EFNA5: variants seen among roughly 807,000 people sequenced by gnomAD.
The protein encoded by EFNA5 is ephrin A5.
EFNA5 carries 5 observed loss-of-function variants against 22.9 expected under a neutral mutation model. That is an observed-to-expected ratio of 0.22 (90% CI 0.11 to 0.46). The LOEUF is 0.46. Among genes scored for constraint, EFNA5 ranks in the 20% least tolerant of loss-of-function variants. The pLI is 0.99. For missense variants in EFNA5, 237 were observed against 293.3 expected (o/e 0.81, Z 1.40); for synonymous variants, 113 against 112.2 (o/e 1.01, Z -0.04).
At chr5:107,576,283 A>G (rs1580538912) in intron 1 of EFNA5, among the ~76,000 whole-genome samples, 1 of 152,318 alleles carries the variant, frequency 6.6e-6, no homozygotes, top group East Asian at 1.9e-4. Context: ...AACTGGGACC[A>G]TCACGGCAAT....
At chr5:107,521,467 TA>T (rs1252519152) in intron 1 of EFNA5, among the ~76,000 whole-genome samples, 4 of 130,522 alleles carry the variant, frequency 3.1e-5, no homozygotes, top group African/African-American at 1.1e-4. Flanking sequence ...TATATATATA[TA>T]TATATATATT....
At position 107,427,409 on chromosome 5, in the gene EFNA5, G is replaced by C; in HGVS notation, c.226C>G (p.Arg76Gly). 2 of 1,613,954 alleles carry C rather than the reference G, an allele frequency of 1.2e-6. No homozygotes were observed. Among genetic ancestry groups the C allele is most frequent in the South Asian group, 1.1e-5 (1 of 91,080 alleles). ...AAGTTCACCATGTAGAGGACATAGC[G>C]CTCAGTCTTATCTTCTGGGACGGAG... ...EDSVPEDKTE[R>G]YVLYMVNFDG... The change falls in exon 2 of 5, where the codon CGC becomes GGC. Residue 76 changes from arginine (R) to glycine (G), a missense_variant. Physicochemically the swap from Arg to Gly is moderately radical, Grantham distance 125. Coordinates refer to ENST00000333274, the MANE Select transcript of EFNA5 (RefSeq NM_001962.3).
chr5:107,494,702 A>G (rs776959061), intron 1 of EFNA5, among the ~76,000 whole-genome samples: 6 of 152,220 alleles, frequency 3.9e-5, no homozygotes, highest in Non-Finnish European at 8.8e-5. Flanking sequence ...TCTCTAGCTC[A>G]GGGACTGTAA....
At chr5:107,632,198 C>T (rs995234566) in intron 1 of EFNA5, among the ~76,000 whole-genome samples, 2 of 152,176 alleles carry the variant, frequency 1.3e-5, no homozygotes, top group African/African-American at 4.8e-5. Context: ...TTTCCCCCAT[C>T]TTTATCTCAC....
At chr5:107,392,887 C>T (rs79543108) in intron 2 of EFNA5, among the ~76,000 whole-genome samples, 2,588 of 152,278 alleles carry the variant, frequency 0.017, 57 homozygotes, top group African/African-American at 0.058. Flanking sequence ...TTAAAATATG[C>T]CTTGAAGAGA....
At chr5:107,497,449 C>T (rs1037065092) in intron 1 of EFNA5, among the ~76,000 whole-genome samples, 5 of 152,152 alleles carry the variant, frequency 3.3e-5, no homozygotes, top group South Asian at 2.1e-4. Context: ...CTGCCTAAGA[C>T]GTAAAGGCTG....
intron 1 of EFNA5, among the ~76,000 whole-genome samples, chr5:107,623,580 C>T (rs1750083212): frequency 6.6e-6 from 1 of 152,200 alleles, no homozygotes; most frequent in Admixed American, 6.5e-5. Context: ...ACATAACTTT[C>T]CATGAAGTAC....
At chr5:107,579,151 C>A (rs1471681616) in intron 1 of EFNA5, among the ~76,000 whole-genome samples, 1 of 152,072 alleles carries the variant, frequency 6.6e-6, no homozygotes, top group African/African-American at 2.4e-5. Context: ...TTAACACTGT[C>A]CTTATTTTAT....
intron 1 of EFNA5, among the ~76,000 whole-genome samples, chr5:107,632,645 C>A (rs1750280402): frequency 1.3e-5 from 2 of 152,136 alleles, no homozygotes; most frequent in Non-Finnish European, 2.9e-5. Context: ...CCTGTCCCTT[C>A]AAATGTAAAC....
chr5:107,582,506 G>T (rs548115068), intron 1 of EFNA5, among the ~76,000 whole-genome samples: 1 of 152,242 alleles, frequency 6.6e-6, no homozygotes, highest in South Asian at 2.1e-4. Context: ...AGTTTAGGAA[G>T]CTAAACAAGA....
At chr5:107,665,042 C>T (rs1194463420) in intron 1 of EFNA5, among the ~76,000 whole-genome samples, 1 of 151,964 alleles carries the variant, frequency 6.6e-6, no homozygotes, top group Non-Finnish European at 1.5e-5. Flanking sequence ...CAAATGCTAC[C>T]CAACATGTAA....
At chr5:107,436,054 CTCATA>C (rs745579649) in intron 1 of EFNA5, among the ~76,000 whole-genome samples, 1 of 152,202 alleles carries the variant, frequency 6.6e-6, no homozygotes, top group Non-Finnish European at 1.5e-5. Flanking sequence ...ATACTAATTA[CTCATA>C]TCAGATAGAT....
At chr5:107,419,150 G>A (rs930391496) in intron 2 of EFNA5, among the ~76,000 whole-genome samples, 1 of 152,154 alleles carries the variant, frequency 6.6e-6, no homozygotes, top group Non-Finnish European at 1.5e-5. Context: ...AAGGTTAAGA[G>A]GGCACCTGGC....
chr5:107,540,475 A>G (rs1259357368), intron 1 of EFNA5, among the ~76,000 whole-genome samples: 2 of 152,214 alleles, frequency 1.3e-5, no homozygotes, highest in African/African-American at 2.4e-5. Flanking sequence ...TTTCTGCCCT[A>G]ATTTTATGAA....
At chr5:107,556,285 T>C (rs1280684548) in intron 1 of EFNA5, among the ~76,000 whole-genome samples, 2 of 151,728 alleles carry the variant, frequency 1.3e-5, no homozygotes, top group Admixed American at 1.3e-4. Flanking sequence ...ATGTGAGCTG[T>C]TATATGTACA....
intron 1 of EFNA5, among the ~76,000 whole-genome samples, chr5:107,440,482 C>T (rs1172913187): frequency 6.6e-6 from 1 of 152,150 alleles, no homozygotes; most frequent in Non-Finnish European, 1.5e-5. Flanking sequence ...TCTGAATGAG[C>T]CACTTGTGTG....
chr5:107,508,429 T>C (rs1219925180), intron 1 of EFNA5, among the ~76,000 whole-genome samples: 1 of 152,236 alleles, frequency 6.6e-6, no homozygotes, highest in Non-Finnish European at 1.5e-5. Flanking sequence ...TTTTTTGCTG[T>C]AAAACACTAT....
chr5:107,446,507 T>C (rs944040879), intron 1 of EFNA5, among the ~76,000 whole-genome samples: 9 of 152,112 alleles, frequency 5.9e-5, no homozygotes, highest in Non-Finnish European at 1.3e-4. Context: ...CCCAGCACTT[T>C]GGGAGGCTGA....
chr5:107,659,981 T>C (rs1013626399), intron 1 of EFNA5, among the ~76,000 whole-genome samples: 1 of 151,884 alleles, frequency 6.6e-6, no homozygotes, highest in African/African-American at 2.4e-5. Context: ...TAGGTGTACA[T>C]ATTCTTATGG....
Sources: gnomAD v4.1 joint callset for allele counts (sites outside exome capture counted in the v4.1 genomes callset) on GRCh38, gnomAD v4.1.1 for gene constraint, MANE v1.5 for transcripts, NCBI Gene and HGNC (gene_info 2026-07-23, HGNC 2026-07-21) for gene names.